Variants in SFXN5 observed in about 807,000 individuals in gnomAD.
The protein encoded by SFXN5 is sideroflexin-5.
In SFXN5, 43 loss-of-function variants were observed where a neutral mutation model predicts 50.2. The ratio of observed to expected loss-of-function variants is 0.86; its 90% CI spans 0.67 to 1.11. SFXN5 has a LOEUF of 1.11. Among genes scored for constraint, SFXN5 ranks in the 50% least tolerant of loss-of-function variants. The probability of loss-of-function intolerance (pLI) is 0.00; values close to 1 mark genes in which losing one functional copy is unlikely to be tolerated. For synonymous variants in SFXN5, 203 were observed against 185.8 expected, an observed-to-expected ratio of 1.09 and a Z score of -0.75; for missense variants, 463 against 454.1, an observed-to-expected ratio of 1.02 and a Z score of -0.18.
At position 72,971,653 on chromosome 2, in the gene SFXN5, G is replaced by A. The variant is rs763057834; in HGVS notation, c.658C>T (p.Arg220Trp). Residue 220 changes from arginine (R) to tryptophan (W), a missense_variant, in exon 11 of 14, where the codon CGG becomes TGG. Physicochemically the swap from Arg to Trp is moderately radical, Grantham distance 101 (BLOSUM62 -3). Transcript: ENST00000272433. ...ATCCCTTCCTCCAGCTCCCCGTACC[G>A]CATCAGGACCACATTGCAGATATTG... ...SANICNVVLMRYGELEEGIDV... is the reference protein window; with the variant it reads ...SANICNVVLMWYGELEEGIDV... 44 of 1,613,760 alleles carry A rather than the reference G, an allele frequency of 2.7e-5. No individual in the cohort carries two copies. Among genetic ancestry groups the A allele is most frequent in the Non-Finnish European group, 2.9e-5 (34 of 1,179,884 alleles).
intron 13 of SFXN5, among the ~76,000 whole-genome samples, chr2:72,946,737 C>T (rs536606331): frequency 1.6e-4 from 25 of 152,272 alleles, no homozygotes; most frequent in Admixed American, 5.2e-4. Context: ...GTCCTCTCCC[C>T]GTCCCTCCCC....
At chr2:73,044,880 A>G (rs1019376494) in intron 2 of SFXN5, among the ~76,000 whole-genome samples, 2 of 152,224 alleles carry the variant, frequency 1.3e-5, no homozygotes, top group Non-Finnish European at 2.9e-5. Flanking sequence ...CAGAATTTGA[A>G]CAGAGGAGAA....
chr2:73,000,877 C>T (rs184813035), intron 7 of SFXN5, among the ~76,000 whole-genome samples: 4 of 152,212 alleles, frequency 2.6e-5, no homozygotes, highest in Non-Finnish European at 4.4e-5. Context: ...GACAGCCCTA[C>T]AATTCTTTCA....
At chr2:73,000,362 G>T in intron 8 of SFXN5, 69 bp downstream of exon 8, 2 of 1,440,700 alleles carry the variant, frequency 1.4e-6, no homozygotes, top group Non-Finnish European at 1.9e-6. Context: ...GGCATGTCAC[G>T]CTGTAGGGAG....
At chr2:72,985,076 C>G (rs1386172044) in intron 10 of SFXN5, among the ~76,000 whole-genome samples, 2 of 152,166 alleles carry the variant, frequency 1.3e-5, no homozygotes, top group Non-Finnish European at 2.9e-5. Context: ...AGACCCCCTT[C>G]CACTCCACTC....
At chr2:72,993,735 C>T (rs900960246) in intron 9 of SFXN5, among the ~76,000 whole-genome samples, 1 of 152,156 alleles carries the variant, frequency 6.6e-6, no homozygotes, top group Admixed American at 6.5e-5. Flanking sequence ...TCCAGGATTC[C>T]CAGGTGCTGT....
chr2:72,984,916 G>A (rs1203936966), intron 10 of SFXN5, among the ~76,000 whole-genome samples: 1 of 152,164 alleles, frequency 6.6e-6, no homozygotes. Flanking sequence ...GCCTGCAGAG[G>A]AGCTGGCAGA....
intron 2 of SFXN5, among the ~76,000 whole-genome samples, chr2:73,042,823 A>T (rs1401513001): frequency 6.7e-6 from 1 of 149,804 alleles, no homozygotes; most frequent in Admixed American, 6.6e-5. Context: ...AGTGGCCCAC[A>T]CCTGTAATCC....
intron 6 of SFXN5, among the ~76,000 whole-genome samples, chr2:73,004,313 G>GCACACACACACA (rs1239165881): frequency 4.5e-4 from 62 of 138,498 alleles, no homozygotes; most frequent in African/African-American, 1.8e-3. Context: ...ATGAGTGCGC[G>GCACACACACACA]CGCACACACA....
At chr2:72,967,393 A>G (rs1367600129) in intron 12 of SFXN5, 2 of 152,228 alleles carry the variant, frequency 1.3e-5, no homozygotes, top group African/African-American at 4.8e-5. Flanking sequence ...CGTAAGAAAA[A>G]TAAAGGACTT....
chr2:73,058,975 T>A, intron 1 of SFXN5: 1 of 843,064 alleles, frequency 1.2e-6, no homozygotes, highest in Non-Finnish European at 1.4e-6. Context: ...CCTGCCTTGC[T>A]CAGGACCTTG....
chr2:73,048,106 T>C (rs917531010), intron 2 of SFXN5, among the ~76,000 whole-genome samples: 2 of 152,262 alleles, frequency 1.3e-5, no homozygotes, highest in African/African-American at 4.8e-5. Flanking sequence ...CATTGCTATA[T>C]AACCATGTAT....
chr2:73,008,588 C>G (rs1240737040), intron 6 of SFXN5, among the ~76,000 whole-genome samples: 2 of 152,134 alleles, frequency 1.3e-5, no homozygotes, highest in Non-Finnish European at 2.9e-5. Context: ...TCCCAGGCCA[C>G]GTGCATGGAA....
intron 6 of SFXN5, among the ~76,000 whole-genome samples, chr2:73,010,014 TTTTGCCA>T (rs1675293969): frequency 6.6e-6 from 1 of 152,216 alleles, no homozygotes; most frequent in Non-Finnish European, 1.5e-5. Context: ...CACATTCAAC[TTTTGCCA>T]TTTCAAATAC....
chr2:72,977,846 C>T (rs970122462), intron 10 of SFXN5, among the ~76,000 whole-genome samples: 42 of 151,852 alleles, frequency 2.8e-4, no homozygotes, highest in African/African-American at 9.2e-4. Flanking sequence ...TGGTGGCACA[C>T]GCCTGTAGTC....
At position 72,993,506 on chromosome 2, in the gene SFXN5, G is replaced by A. The variant is rs568022039; in HGVS notation, c.535-5158C>T. On this transcript the variant is annotated intron_variant, in intron 9 of 13. Transcript: ENST00000272433. ...TGAACCATGCCCCACAAGGGCCAGGGGGCTGCTGGGAAATCAATTACATCA... is the reference window on the plus strand; with the variant it reads ...TGAACCATGCCCCACAAGGGCCAGGAGGCTGCTGGGAAATCAATTACATCA... 1.5e-4 allele frequency among the ~76,000 whole-genome samples: 23 copies of A among 152,304 alleles called. No individual in the cohort carries two copies. The South Asian group carries it at 3.5e-3, about 23-fold the overall frequency.
chr2:73,050,342 G>C (rs1032006123), intron 2 of SFXN5, among the ~76,000 whole-genome samples: 5 of 151,324 alleles, frequency 3.3e-5, no homozygotes, highest in African/African-American at 1.2e-4. Flanking sequence ...AAGGCTGTCT[G>C]CAACATTCTT....
chr2:73,029,658 C>T (rs958394350), intron 3 of SFXN5, among the ~76,000 whole-genome samples: 7 of 152,112 alleles, frequency 4.6e-5, no homozygotes, highest in African/African-American at 1.7e-4. Flanking sequence ...CTGAGGTTGG[C>T]CAGAATGACT....
rs142054832 is a variant in SFXN5, at chr2:72,970,778, C to A, written c.741+792G>T. On this transcript the variant is annotated intron_variant, in intron 11 of 13. Coordinates refer to ENST00000272433, the MANE Select transcript of SFXN5 (RefSeq NM_144579.3). ...TCTCGGCTCACTGCAACTTCTACCC[C>A]CCGGGTTCAAGCAATTCTCCTGCCT... 4.0e-3 allele frequency among the ~76,000 whole-genome samples: 606 copies of A among 152,080 alleles called. 7 individuals carry two copies. Among genetic ancestry groups the A allele is most frequent in the African/African-American group, 0.014 (564 of 41,480 alleles).
Sources: gnomAD v4.1 joint callset for allele counts (sites outside exome capture counted in the v4.1 genomes callset) on GRCh38, gnomAD v4.1.1 for gene constraint, MANE v1.5 for transcripts, NCBI Gene and HGNC (gene_info 2026-07-23, HGNC 2026-07-21) for gene names.